Variants in EXOC5 observed in about 807,000 individuals in gnomAD.
EXOC5 encodes SEC10-like 1.
Under a neutral mutation model 90.8 loss-of-function variants are expected in EXOC5, and 17 were observed. That is an observed-to-expected ratio of 0.19 (90% confidence interval 0.13 to 0.28). The LOEUF (loss-of-function observed/expected upper bound fraction) is 0.28. EXOC5 is among the 10% of genes least tolerant of loss of function. The pLI is 1.00. For missense variants in EXOC5, 569 were observed against 830.6 expected, an observed-to-expected ratio of 0.69 and a Z score of 3.87; for synonymous variants, 260 against 270.0, an observed-to-expected ratio of 0.96 and a Z score of 0.36.
At chr14:57,218,175 C>A in intron 14 of EXOC5, 107 bp from the exon 15 acceptor site, 1 of 556,924 alleles carries the variant, frequency 1.8e-6, no homozygotes, top group South Asian at 2.9e-5. Context: ...ATAAATATAT[C>A]CATATATACA....
chr14:57,237,227 C>G, intron 6 of EXOC5, 111 bp downstream of exon 6: 1 of 689,614 alleles, frequency 1.5e-6, no homozygotes, highest in Admixed American at 2.4e-5. Context: ...CAGTAGCCTA[C>G]TAGGGTAGGA....
At chr14:57,242,138 AAAAAAAAAG>A (rs368841928) in intron 4 of EXOC5, among the ~76,000 whole-genome samples, 2,026 of 150,616 alleles carry the variant, frequency 0.013, 49 homozygotes, top group East Asian at 0.085. Context: ...GTCTGAAAAA[AAAAAAAAAG>A]AAAAAAAAGA....
intron 12 of EXOC5, among the ~76,000 whole-genome samples, chr14:57,224,107 GA>G (rs1457198111): frequency 4.0e-5 from 6 of 151,506 alleles, no homozygotes; most frequent in African/African-American, 1.5e-4. Context: ...ATTAGATTAG[GA>G]AAGAAGAAAG....
intron 10 of EXOC5, 116 bp downstream of exon 10, chr14:57,232,551 T>C: frequency 1.8e-6 from 1 of 541,132 alleles, no homozygotes. Context: ...AAGCATTTAA[T>C]GCTAAAAGGT....
At chr14:57,224,827 C>T (rs1486291301) in intron 12 of EXOC5, among the ~76,000 whole-genome samples, 1 of 152,090 alleles carries the variant, frequency 6.6e-6, no homozygotes, top group African/African-American at 2.4e-5. Context: ...TTTGGGAAGC[C>T]GAGGCGGGCG....
chr14:57,249,675 C>T (rs10130359), intron 1 of EXOC5, among the ~76,000 whole-genome samples: 25,736 of 151,510 alleles, frequency 0.17, 4,499 homozygotes, highest in African/African-American at 0.45. Context: ...GACAGATAAA[C>T]GAGCACAAAA....
chr14:57,219,374 T>C lies in EXOC5; in HGVS notation c.1474A>G (p.Ile492Val), dbSNP rs370435401. ...FLDVVQQANTIFHLFDKQFND... is the reference protein window; with the variant it reads ...FLDVVQQANTVFHLFDKQFND... ...AACTGTTTGTCAAAAAGATGAAAAATAGTATTGGCCTGTTGCACAACGTCC... is the reference window on the plus strand; with the variant it reads ...AACTGTTTGTCAAAAAGATGAAAAACAGTATTGGCCTGTTGCACAACGTCC... Residue 492 changes from isoleucine to valine, a missense_variant, in exon 14 of 18, where the codon ATT becomes GTT. By Grantham distance (29) the Ile-to-Val change is conservative. Around this residue, in one of 9 missense-constraint regions of EXOC5, gnomAD observed 34 missense variants for 101.1 expected, o/e 0.34. Coordinates refer to ENST00000621441, the MANE Select transcript of EXOC5 (RefSeq NM_006544.4). The C allele has an allele frequency of 2.9e-5, 44 of 1,539,150 alleles. No homozygotes were observed. The East Asian group carries it at 4.0e-4, about 14-fold the overall frequency.
chr14:57,210,923 T>G (rs988379569), intron 15 of EXOC5, among the ~76,000 whole-genome samples: 7 of 152,180 alleles, frequency 4.6e-5, no homozygotes, highest in Admixed American at 1.3e-4. Context: ...GGTTACTCTA[T>G]CCTATATTTT....
intron 1 of EXOC5, among the ~76,000 whole-genome samples, chr14:57,265,450 C>T (rs1189869055): frequency 2.6e-5 from 4 of 152,106 alleles, no homozygotes; most frequent in African/African-American, 7.2e-5. Context: ...TGGCGGGGCA[C>T]GGTGGCTCAC....
rs143283607 is a variant in EXOC5, at chr14:57,249,963, G to A, written c.28-2251C>T. Reference sequence around the variant, plus strand: ...AATTTTGTAGTTTTAGTAGAAACGGGGTTTCTCCATGTTGGTCAGGCTGGT... The same window carrying A: ...AATTTTGTAGTTTTAGTAGAAACGGAGTTTCTCCATGTTGGTCAGGCTGGT... On this transcript the variant is annotated intron_variant, in intron 1 of 17. Coordinates refer to ENST00000621441, the MANE Select transcript of EXOC5 (RefSeq NM_006544.4). Among the ~76,000 whole-genome samples, 348 of 152,120 alleles carry A rather than the reference G, an allele frequency of 2.3e-3. 2 individuals are homozygous for A. Among genetic ancestry groups the A allele is most frequent in the African/African-American group, 7.9e-3 (326 of 41,504 alleles).
At chr14:57,214,164 GTCCA>G (rs1882906908) in intron 15 of EXOC5, among the ~76,000 whole-genome samples, 1 of 152,082 alleles carries the variant, frequency 6.6e-6, no homozygotes, top group African/African-American at 2.4e-5. Context: ...CCATTGGCAT[GTCCA>G]GCCTACACAC....
intron 3 of EXOC5, among the ~76,000 whole-genome samples, chr14:57,245,937 C>T (rs1884020071): frequency 1.3e-5 from 2 of 152,002 alleles, no homozygotes; most frequent in African/African-American, 4.8e-5. Context: ...GTAATCCTAC[C>T]TACTCGGGAG....
intron 13 of EXOC5, 100 bp from the exon 14 acceptor site, chr14:57,219,542 A>AGCGGTGTC: frequency 2.3e-6 from 2 of 870,352 alleles, no homozygotes; most frequent in Non-Finnish European, 1.8e-6. Flanking sequence ...AACATAAAAT[A>AGCGGTGTC]AATGACACCG....
At chr14:57,213,917 C>T (rs1177225207) in intron 15 of EXOC5, among the ~76,000 whole-genome samples, 1 of 151,714 alleles carries the variant, frequency 6.6e-6, no homozygotes, top group Non-Finnish European at 1.5e-5. Flanking sequence ...TTGAAGAGAG[C>T]CAAGATCACA....
At chr14:57,263,669 G>C (rs928700610) in intron 1 of EXOC5, among the ~76,000 whole-genome samples, 1 of 149,794 alleles carries the variant, frequency 6.7e-6, no homozygotes, top group Non-Finnish European at 1.5e-5. Context: ...AGGAGGCTGA[G>C]GCAGGAGAAT....
chr14:57,239,378 A>G, intron 5 of EXOC5: 2 of 381,152 alleles, frequency 5.2e-6, no homozygotes, highest in South Asian at 8.0e-5. Context: ...AAGGCCTATC[A>G]TTAAATTTAG....
intron 3 of EXOC5, among the ~76,000 whole-genome samples, chr14:57,246,201 C>T (rs926324767): frequency 6.6e-6 from 1 of 152,138 alleles, no homozygotes; most frequent in African/African-American, 2.4e-5. Context: ...TACTCCAAAA[C>T]AGATCAAGGC....
chr14:57,262,676 A>T (rs1316038297), intron 1 of EXOC5, among the ~76,000 whole-genome samples: 1 of 143,722 alleles, frequency 7.0e-6, no homozygotes, highest in African/African-American at 2.6e-5. Context: ...AAGTGTATAT[A>T]TATACATTAA....
intron 1 of EXOC5, among the ~76,000 whole-genome samples, chr14:57,266,025 C>A (rs950781266): frequency 2.6e-5 from 4 of 152,192 alleles, no homozygotes; most frequent in African/African-American, 9.7e-5. Context: ...CATTGAGAGT[C>A]ATGGGACCAA....
Sources: allele counts gnomAD v4.1 joint callset (sites outside exome capture counted in the v4.1 genomes callset), GRCh38; gene constraint gnomAD v4.1.1; regional missense constraint gnomAD v4.1.1; transcripts MANE v1.5; gene names NCBI Gene and HGNC (gene_info 2026-07-23, HGNC 2026-07-21).